The following FREM1 variants were observed in gnomAD, a reference collection of about 807,000 sequenced individuals.
The protein encoded by FREM1 is FRAS1 related extracellular matrix 1.
FREM1 carries 220 observed loss-of-function variants against 210.1 expected under a neutral mutation model. That is an observed-to-expected ratio of 1.05 (90% CI 0.94 to 1.17). The LOEUF (loss-of-function observed/expected upper bound fraction) is 1.17, where lower values mean the gene tolerates loss of function less well. Among genes scored for constraint, FREM1 ranks in the 50% most tolerant of loss-of-function variants. The pLI is 0.00. For synonymous variants in FREM1, 1,189 were observed against 980.2 expected (o/e 1.21, Z -3.98); for missense variants, 3,454 against 2,675.5 (o/e 1.29, Z -6.42).
At chr9:14,772,713 T>C (rs1847803920) in intron 25 of FREM1, among the ~76,000 whole-genome samples, 1 of 152,154 alleles carries the variant, frequency 6.6e-6, no homozygotes, top group African/African-American at 2.4e-5. Flanking sequence ...GGGTATTAAA[T>C]TGTCATTGTG....
At chr9:14,828,533 T>G (rs1416673210) in intron 10 of FREM1, among the ~76,000 whole-genome samples, 1 of 151,736 alleles carries the variant, frequency 6.6e-6, no homozygotes, top group African/African-American at 2.4e-5. Context: ...CTAAATGAGA[T>G]GTTAGACTTT....
intron 27 of FREM1, among the ~76,000 whole-genome samples, chr9:14,768,868 T>C (rs1485465044): frequency 1.3e-5 from 2 of 152,178 alleles, no homozygotes; most frequent in African/African-American, 4.8e-5. Context: ...ATGCTTAGTA[T>C]GACTAGGATA....
chr9:14,874,926 A>T (rs1368079653), intron 1 of FREM1, among the ~76,000 whole-genome samples: 1 of 152,080 alleles, frequency 6.6e-6, no homozygotes, highest in East Asian at 1.9e-4. Context: ...TTCACTTATG[A>T]TGCTTAGTTT....
chr9:14,796,861 G>A (rs1023311038), intron 21 of FREM1, among the ~76,000 whole-genome samples: 4 of 152,218 alleles, frequency 2.6e-5, no homozygotes, highest in South Asian at 2.1e-4. Flanking sequence ...ACTCAGTCTT[G>A]GGTATGTCCT....
chr9:14,873,468 C>T lies in FREM1; in HGVS notation c.-267-4224G>A, dbSNP rs181109489. Among the ~76,000 whole-genome samples, 245 of 152,122 alleles carry T rather than the reference C, an allele frequency of 1.6e-3. 2 individuals are homozygous for T. The highest frequency in any genetic ancestry group is 5.4e-3 in the African/African-American group (223 of 41,504). On this transcript the variant is annotated intron_variant, in intron 1 of 36. Transcript: ENST00000380880. ...TAGTTTATTTGTGTAGAGGTGTTTG[C>T]AGTATTCTCTGATGGTAGTTTGTAT...
chr9:14,760,153 G>A (rs1363609082), intron 27 of FREM1, among the ~76,000 whole-genome samples: 2 of 152,212 alleles, frequency 1.3e-5, no homozygotes, highest in South Asian at 4.1e-4. Context: ...AGAATCTAAG[G>A]TTAAAAGGCT....
intron 23 of FREM1, among the ~76,000 whole-genome samples, chr9:14,785,757 T>A (rs943353050): frequency 6.6e-5 from 10 of 152,060 alleles, no homozygotes; most frequent in African/African-American, 2.2e-4. Flanking sequence ...GGACAATGGT[T>A]GCCAGGGAGG....
intron 1 of FREM1, among the ~76,000 whole-genome samples, chr9:14,893,290 T>C (rs943391238): frequency 6.6e-6 from 1 of 152,230 alleles, no homozygotes; most frequent in Non-Finnish European, 1.5e-5. Flanking sequence ...GTGAATCTGT[T>C]GTACTTTGTG....
chr9:14,845,155 T>A (rs1381891107), intron 8 of FREM1, among the ~76,000 whole-genome samples: 1 of 152,220 alleles, frequency 6.6e-6, no homozygotes, highest in East Asian at 1.9e-4. Flanking sequence ...TATTTTATCA[T>A]AAAGTGTAAA....
intron 1 of FREM1, among the ~76,000 whole-genome samples, chr9:14,891,977 T>C (rs896755204): frequency 2.6e-5 from 4 of 152,058 alleles, no homozygotes; most frequent in Non-Finnish European, 4.4e-5. Flanking sequence ...GTCTATGGAG[T>C]AGCCATTCTT....
intron 2 of FREM1, among the ~76,000 whole-genome samples, chr9:14,865,698 T>TGTGTGC (rs759644257): frequency 6.6e-5 from 10 of 150,524 alleles, no homozygotes; most frequent in Admixed American, 2.0e-4. Flanking sequence ...TGTGTGTGTG[T>TGTGTGC]GCACATGCAC....
chr9:14,800,925 A>T (rs988758428), intron 20 of FREM1, among the ~76,000 whole-genome samples: 1 of 152,210 alleles, frequency 6.6e-6, no homozygotes, highest in Non-Finnish European at 1.5e-5. Context: ...TAAACATTGT[A>T]TATATTTATG....
chr9:14,902,406 G>C (rs1024918719), intron 1 of FREM1, among the ~76,000 whole-genome samples: 1 of 152,192 alleles, frequency 6.6e-6, no homozygotes, highest in African/African-American at 2.4e-5. Flanking sequence ...AAGGACCCCA[G>C]AGTTTTCCCA....
At chr9:14,869,398 A>T (rs1266257369) in intron 1 of FREM1, among the ~76,000 whole-genome samples, 154 bp from the exon 2 acceptor site, 1 of 152,192 alleles carries the variant, frequency 6.6e-6, no homozygotes, top group African/African-American at 2.4e-5. Context: ...CTCTAGACCC[A>T]TCTGAAAGGC....
chr9:14,769,886 T>C lies in FREM1; in HGVS notation c.5060-18A>G, dbSNP rs777727139. ...AAATTCACCTAAAAAAAGAAATAAATGAATATCATGGGTAATCAAACAAAA... is the reference window on the plus strand; with the variant it reads ...AAATTCACCTAAAAAAAGAAATAAACGAATATCATGGGTAATCAAACAAAA... On this transcript the variant is annotated intron_variant, in intron 26 of 36. Coordinates refer to ENST00000380880, the MANE Select transcript of FREM1 (RefSeq NM_001379081.2). The C allele has an allele frequency of 1.6e-6, 2 of 1,266,476 alleles. No homozygotes were observed. Among genetic ancestry groups the C allele is most frequent in the Non-Finnish European group, 2.2e-6 (2 of 893,916 alleles). 78.5% of individuals were successfully genotyped at this position (1,266,476 alleles called of 1,614,324 possible).
intron 5 of FREM1, among the ~76,000 whole-genome samples, chr9:14,854,496 T>C (rs1468380288): frequency 6.6e-6 from 1 of 152,082 alleles, no homozygotes; most frequent in East Asian, 1.9e-4. Context: ...ATGAATTCAA[T>C]GTGGGCAGTT....
chr9:14,782,682 A>G (rs1385289640), intron 24 of FREM1, among the ~76,000 whole-genome samples: 1 of 152,184 alleles, frequency 6.6e-6, no homozygotes, highest in Non-Finnish European at 1.5e-5. Flanking sequence ...GATTGGAAGA[A>G]GGTCGTCAAG....
chr9:14,859,907 C>A (rs1254401224), intron 3 of FREM1, among the ~76,000 whole-genome samples: 1 of 152,160 alleles, frequency 6.6e-6, no homozygotes, highest in Non-Finnish European at 1.5e-5. Context: ...AATACCACTA[C>A]ATAGGTGGTC....
At chr9:14,741,919 A>T (rs2131898815) in intron 35 of FREM1, among the ~76,000 whole-genome samples, 1 of 152,334 alleles carries the variant, frequency 6.6e-6, no homozygotes, top group Non-Finnish European at 1.5e-5. Flanking sequence ...TAGCTGCCCA[A>T]GTACAATTTC....
Sources: allele counts gnomAD v4.1 joint callset (sites outside exome capture counted in the v4.1 genomes callset), GRCh38; gene constraint gnomAD v4.1.1; transcripts MANE v1.5; gene names NCBI Gene and HGNC (gene_info 2026-07-23, HGNC 2026-07-21).